Variants in TBC1D5 observed in about 807,000 individuals in gnomAD.
TBC1D5 encodes TBC1 domain family member 5.
Under a neutral mutation model 100.3 loss-of-function variants are expected in TBC1D5, and 75 were observed. The observed-to-expected ratio is 0.75, with a 90% CI of 0.62 to 0.91. The LOEUF is 0.91. Among genes scored for constraint, TBC1D5 ranks in the 40% least tolerant of loss-of-function variants. The probability of loss-of-function intolerance (pLI) is 0.00; values close to 1 mark genes in which losing one functional copy is unlikely to be tolerated. For missense variants in TBC1D5, 910 were observed against 942.4 expected (o/e 0.97, Z 0.45); for synonymous variants, 323 against 325.6 (o/e 0.99, Z 0.09).
chr3:17,186,136 A>T (rs762325158), intron 18 of TBC1D5, among the ~76,000 whole-genome samples: 2 of 151,982 alleles, frequency 1.3e-5, no homozygotes, highest in Non-Finnish European at 2.9e-5. Flanking sequence ...GGGCTGGAAT[A>T]GGCTAGAAAA....
chr3:17,657,056 G>A (rs1351034593), intron 1 of TBC1D5, among the ~76,000 whole-genome samples: 1 of 152,026 alleles, frequency 6.6e-6, no homozygotes, highest in Non-Finnish European at 1.5e-5. Flanking sequence ...GGACACACAA[G>A]TAGCAAGTAA....
chr3:17,290,950 T>C (rs375530381), intron 15 of TBC1D5, among the ~76,000 whole-genome samples: 4 of 152,280 alleles, frequency 2.6e-5, no homozygotes, highest in East Asian at 3.9e-4. Flanking sequence ...TACTAAAAGG[T>C]TGAAGTCAAC....
chr3:17,552,038 T>C (rs912323036), intron 2 of TBC1D5, among the ~76,000 whole-genome samples: 11 of 152,102 alleles, frequency 7.2e-5, no homozygotes, highest in Non-Finnish European at 1.6e-4. Context: ...TGGGAAACCT[T>C]GTTTCTGAGC....
At chr3:17,227,844 A>T (rs2075052981) in intron 17 of TBC1D5, among the ~76,000 whole-genome samples, 1 of 145,216 alleles carries the variant, frequency 6.9e-6, no homozygotes, top group Non-Finnish European at 1.5e-5. Flanking sequence ...ACTGAACCTA[A>T]AATAAAAGTT....
At chr3:17,393,534 GAAC>G (rs2093418464) in intron 8 of TBC1D5, among the ~76,000 whole-genome samples, 1 of 152,040 alleles carries the variant, frequency 6.6e-6, no homozygotes, top group African/African-American at 2.4e-5. Flanking sequence ...TAAGGAAAAA[GAAC>G]AAAGCTGGAG....
intron 1 of TBC1D5, among the ~76,000 whole-genome samples, chr3:17,713,220 A>G (rs2074914586): frequency 1.3e-5 from 2 of 151,478 alleles, no homozygotes; most frequent in Admixed American, 1.3e-4. Flanking sequence ...AAAATTTTAA[A>G]TTATTGTGTT....
At chr3:17,520,503 A>T (rs2096052802) in intron 2 of TBC1D5, among the ~76,000 whole-genome samples, 2 of 152,168 alleles carry the variant, frequency 1.3e-5, no homozygotes, top group African/African-American at 4.8e-5. Flanking sequence ...TTTCTTTATA[A>T]ATACTCAGAT....
chr3:17,458,263 G>T (rs537016071), intron 3 of TBC1D5, among the ~76,000 whole-genome samples: 19 of 152,168 alleles, frequency 1.2e-4, no homozygotes, highest in African/African-American at 4.6e-4. Flanking sequence ...TTTTTTCCCT[G>T]TTTCCATACC....
intron 1 of TBC1D5, among the ~76,000 whole-genome samples, chr3:17,697,607 G>T (rs2072339091): frequency 6.6e-6 from 1 of 152,132 alleles, no homozygotes; most frequent in South Asian, 2.1e-4. Context: ...AATAAAAGAG[G>T]ATACAAACAA....
At chr3:17,502,843 C>T (rs970037379) in intron 3 of TBC1D5, among the ~76,000 whole-genome samples, 4 of 149,530 alleles carry the variant, frequency 2.7e-5, no homozygotes, top group African/African-American at 7.6e-5. Flanking sequence ...AAACTTCTCT[C>T]TCCTACCATT....
intron 2 of TBC1D5, among the ~76,000 whole-genome samples, chr3:17,528,910 G>A (rs1453630180): frequency 2.6e-5 from 4 of 152,122 alleles, no homozygotes; most frequent in African/African-American, 4.8e-5. Context: ...TTTTAGTCTC[G>A]AACTCTAAGA....
chr3:17,169,982 A>G (rs542069371), intron 19 of TBC1D5, among the ~76,000 whole-genome samples: 6 of 152,350 alleles, frequency 3.9e-5, no homozygotes, highest in South Asian at 2.1e-4. Flanking sequence ...CCAGAATCCA[A>G]TGCTGCCTCT....
intron 13 of TBC1D5, among the ~76,000 whole-genome samples, chr3:17,310,097 C>A (rs558211453): frequency 1.2e-4 from 19 of 152,122 alleles, no homozygotes; most frequent in Non-Finnish European, 1.9e-4. Context: ...AACAAAAAAA[C>A]CAAAGTAGCC....
intron 1 of TBC1D5, among the ~76,000 whole-genome samples, chr3:17,649,138 T>C (rs1450256468): frequency 6.6e-6 from 1 of 152,180 alleles, no homozygotes; most frequent in Middle Eastern, 3.2e-3. Flanking sequence ...AATGGAATAC[T>C]ATGCAGCCAT....
intron 1 of TBC1D5, among the ~76,000 whole-genome samples, chr3:17,647,525 A>C (rs2153709396): frequency 6.6e-6 from 1 of 152,018 alleles, no homozygotes; most frequent in Admixed American, 6.6e-5. Context: ...GTGGGGGAAA[A>C]ATTTCTGTGG....
In TBC1D5 at chr3:17,406,912, T is replaced by C. The variant is rs149639941; in HGVS notation, c.168-386A>G. ...ACAAAGAAGTGTAATGTTGATTATA[T>C]TAGCTTCTCATGTGAAATACCTCTT... On this transcript the variant is annotated intron_variant, in intron 4 of 21. Coordinates refer to ENST00000253692, the Ensembl canonical transcript of TBC1D5. 7.9e-5 allele frequency among the ~76,000 whole-genome samples: 12 copies of C among 152,248 alleles called. No individual in the cohort carries two copies. In the East Asian group the frequency reaches 2.3e-3, roughly 29 times the overall value.
intron 2 of TBC1D5, among the ~76,000 whole-genome samples, chr3:17,559,349 C>G (rs1397250959): frequency 6.6e-6 from 1 of 151,934 alleles, no homozygotes; most frequent in Non-Finnish European, 1.5e-5. Flanking sequence ...CCATGTTGGC[C>G]AGGCTGGTCT....
intron 15 of TBC1D5, among the ~76,000 whole-genome samples, chr3:17,281,147 C>T (rs1263032064): frequency 1.3e-5 from 2 of 152,186 alleles, no homozygotes; most frequent in Non-Finnish European, 2.9e-5. Context: ...TCTCACTTGC[C>T]ACAAATCCCA....
intron 3 of TBC1D5, among the ~76,000 whole-genome samples, chr3:17,432,896 T>C (rs2094468363): frequency 6.6e-6 from 1 of 152,046 alleles, no homozygotes; most frequent in South Asian, 2.1e-4. Flanking sequence ...ACAGAAACAC[T>C]GAAAAACAAA....
Sources: gnomAD v4.1 joint callset for allele counts (sites outside exome capture counted in the v4.1 genomes callset) on GRCh38, gnomAD v4.1.1 for gene constraint, MANE v1.5 for transcripts, NCBI Gene and HGNC (gene_info 2026-07-23, HGNC 2026-07-21) for gene names.